The following SCOC variants were observed in gnomAD, a reference collection of about 807,000 sequenced individuals.
SCOC encodes short coiled coil protein.
Under a neutral mutation model 9.9 loss-of-function variants are expected in SCOC, and 7 were observed. The ratio of observed to expected loss-of-function variants is 0.71; its 90% CI spans 0.40 to 1.33. SCOC has a LOEUF of 1.33. SCOC is among the 40% of genes most tolerant of loss of function. The pLI, the probability that SCOC is intolerant of heterozygous loss-of-function variation, is 0.01. For missense variants in SCOC, 66 were observed against 89.7 expected, an observed-to-expected ratio of 0.74 and a Z score of 1.07; for synonymous variants, 19 against 28.2, an observed-to-expected ratio of 0.67 and a Z score of 1.03.
intron 2 of SCOC, among the ~76,000 whole-genome samples, chr4:140,360,490 C>A (rs1727417723): frequency 2.0e-5 from 3 of 152,152 alleles, no homozygotes; most frequent in Admixed American, 2.0e-4. Flanking sequence ...GAGCCACCAC[C>A]GGAACAGTAA....
intron 1 of SCOC, among the ~76,000 whole-genome samples, chr4:140,302,413 T>C (rs1221067826): frequency 2.2e-4 from 33 of 152,158 alleles, no homozygotes; most frequent in Admixed American, 2.2e-3. Context: ...ATATAGTGAT[T>C]TGAGATTCTT....
upstream of SCOC, chr4:140,373,485 A>T (rs1210524885): frequency 1.3e-6 from 2 of 1,551,154 alleles, no homozygotes; most frequent in African/African-American, 2.7e-5. Context: ...GTTATGGCAA[A>T]GGTGGATCCC....
At chr4:140,284,006 T>C (rs935219243) in intron 1 of SCOC, 1 of 152,138 alleles carries the variant, frequency 6.6e-6, no homozygotes, top group African/African-American at 2.4e-5. Flanking sequence ...GAGATTAACA[T>C]AAGCGTGATC....
At chr4:140,266,771 A>G (rs1159593704) in intron 1 of SCOC, among the ~76,000 whole-genome samples, 1 of 152,206 alleles carries the variant, frequency 6.6e-6, no homozygotes, top group Non-Finnish European at 1.5e-5. Context: ...TGGTTCCCAA[A>G]GATTAAGTTT....
At chr4:140,375,541 T>G (rs1435363352) in intron 1 of SCOC, among the ~76,000 whole-genome samples, 2 of 124,330 alleles carry the variant, frequency 1.6e-5, no homozygotes, top group Non-Finnish European at 3.6e-5. Context: ...GAGAGTGATA[T>G]TGTGGATATT....
intron 1 of SCOC, among the ~76,000 whole-genome samples, chr4:140,308,468 G>A (rs116509939): frequency 2.6e-4 from 40 of 152,238 alleles, no homozygotes; most frequent in Admixed American, 9.2e-4. Flanking sequence ...GATGACCTCC[G>A]TGAATGCTCC....
At chr4:140,380,002 A>G (rs574285962) in intron 3 of SCOC, among the ~76,000 whole-genome samples, 1 of 152,172 alleles carries the variant, frequency 6.6e-6, no homozygotes, top group South Asian at 2.1e-4. Context: ...ATTCATCTGA[A>G]TTTTTTCATT....
Position 140,373,730 on chromosome 4 carries a change from C to CCA in SCOC, c.-51+14_-51+15insAC. 6.5e-7 allele frequency: 1 copy of CCA among 1,543,940 alleles called. No homozygotes were observed. The highest frequency in any genetic ancestry group is 8.7e-7 in the Non-Finnish European group (1 of 1,146,464). ...CCTCAAGCGGAAGGTGAGGGCCGTC[C>CCA]CGGGCAGCGGAGGGCCTGGCCCCAG... On this transcript the variant is annotated intron_variant, in intron 1 of 3. Coordinates refer to ENST00000608372, the MANE Select transcript of SCOC (RefSeq NM_001153484.2).
rs376160388 is a variant in SCOC, at chr4:140,286,469, A to G, written c.-19+29059A>G. Reference sequence around the variant, plus strand: ...CCAAACTCTGTCCTTTTAACGAGCCATATGCAGCTTCCAACAGATGAGATC... The same window carrying G: ...CCAAACTCTGTCCTTTTAACGAGCCGTATGCAGCTTCCAACAGATGAGATC... On this transcript the variant is annotated intron_variant, in intron 1 of 4. Coordinates refer to the SCOC transcript ENST00000394205. Among the ~76,000 whole-genome samples the G allele has an allele frequency of 2.0e-5, 3 of 152,216 alleles. No individual in the cohort carries two copies. The East Asian group carries it at 5.8e-4, about 29-fold the overall frequency.
At chr4:140,367,000 G>C (rs1165052228) in intron 2 of SCOC, 4 of 411,558 alleles carry the variant, frequency 9.7e-6, no homozygotes, top group African/African-American at 2.0e-5. Context: ...GAGGTCAGGA[G>C]TTTGAGACTA....
At chr4:140,343,599 C>G (rs1489114781) in intron 1 of SCOC, 4 of 1,520,290 alleles carry the variant, frequency 2.6e-6, no homozygotes, top group Non-Finnish European at 3.6e-6. Context: ...CTTTTCTCTG[C>G]CCTCATTTTT....
chr4:140,331,985 C>T (rs1421028102), intron 1 of SCOC, among the ~76,000 whole-genome samples: 1 of 137,190 alleles, frequency 7.3e-6, no homozygotes, highest in African/African-American at 2.9e-5. Flanking sequence ...AAAGCTGGAG[C>T]AGGCATCTTA....
At chr4:140,324,870 C>G (rs1732600333) in intron 1 of SCOC, among the ~76,000 whole-genome samples, 1 of 151,572 alleles carries the variant, frequency 6.6e-6, no homozygotes, top group African/African-American at 2.4e-5. Context: ...CCTAGAATAG[C>G]CAAAGCAATG....
chr4:140,370,205 T>C (rs1489816796), upstream of SCOC, among the ~76,000 whole-genome samples: 1 of 152,216 alleles, frequency 6.6e-6, no homozygotes, highest in Non-Finnish European at 1.5e-5. Context: ...TCTAGTTTAA[T>C]TTGTGGGTAG....
chr4:140,270,274 G>T (rs960068226), intron 1 of SCOC, among the ~76,000 whole-genome samples: 1 of 152,046 alleles, frequency 6.6e-6, no homozygotes, highest in Non-Finnish European at 1.5e-5. Context: ...TCAGAGTATG[G>T]TACCTAAACA....
In SCOC at chr4:140,362,301, T is replaced by TCTTCTTCTTCTTCTTCTTCC; in HGVS notation, c.71-16820_71-16819insCTTCTTCTTCTTCTTCTTCC. ...TACTTCTTCTTCTTCTTCTTCTTCT[T>TCTTCTTCTTCTTCTTCTTCC]TTTTTTTTTTTTTTGTGAGAGTCTC... On this transcript the variant is annotated intron_variant, in intron 2 of 4. Coordinates refer to the SCOC transcript ENST00000338517. Among the ~76,000 whole-genome samples, 2 of 29,410 alleles carry TCTTCTTCTTCTTCTTCTTCC rather than the reference T, an allele frequency of 6.8e-5. 1 individual carries two copies. Among genetic ancestry groups the TCTTCTTCTTCTTCTTCTTCC allele is most frequent in the African/African-American group, 2.4e-4 (2 of 8,500 alleles). The allele number at this position is 29,410 out of a possible 152,430, so 19.3% of individuals were successfully genotyped here.
chr4:140,280,259 G>A (rs767695786), intron 1 of SCOC, among the ~76,000 whole-genome samples: 13 of 152,100 alleles, frequency 8.5e-5, no homozygotes, highest in Non-Finnish European at 1.3e-4. Context: ...TGGATTACAG[G>A]CATGCGCTAG....
intron 1 of SCOC, among the ~76,000 whole-genome samples, chr4:140,289,170 G>C (rs2126431361): frequency 6.6e-6 from 1 of 152,316 alleles, no homozygotes; most frequent in East Asian, 1.9e-4. Flanking sequence ...CCAGAGTTGT[G>C]TGGCAGGAAA....
intron 1 of SCOC, among the ~76,000 whole-genome samples, chr4:140,317,766 T>C (rs1732370817): frequency 6.6e-6 from 1 of 151,642 alleles, no homozygotes; most frequent in Non-Finnish European, 1.5e-5. Context: ...GTTACATATG[T>C]ATGCATGTGC....
Sources: allele counts gnomAD v4.1 joint callset (sites outside exome capture counted in the v4.1 genomes callset), GRCh38; gene constraint gnomAD v4.1.1; transcripts MANE v1.5; gene names NCBI Gene and HGNC (gene_info 2026-07-23, HGNC 2026-07-21).